Variants in PTPN13 observed in about 807,000 individuals in gnomAD.
PTPN13 encodes protein tyrosine phosphatase non-receptor type 13.
Under a neutral mutation model 284.0 loss-of-function variants are expected in PTPN13, and 191 were observed. The observed-to-expected ratio is 0.67, with a 90% CI of 0.60 to 0.76. The LOEUF (loss-of-function observed/expected upper bound fraction) is 0.76, where lower values mean the gene tolerates loss of function less well. Ranked by LOEUF, PTPN13 falls within the 30% of genes least tolerant of loss-of-function variation. The pLI is 0.00. For synonymous variants in PTPN13, 986 were observed against 1,022.3 expected, an observed-to-expected ratio of 0.96 and a Z score of 0.68; for missense variants, 2,797 against 2,939.9, an observed-to-expected ratio of 0.95 and a Z score of 1.12.
At chr4:86,812,309 CAAAAAAA>C (rs555017151) in intron 47 of PTPN13, among the ~76,000 whole-genome samples, 67 of 58,736 alleles carry the variant, frequency 1.1e-3, no homozygotes, top group African/African-American at 3.7e-3. Flanking sequence ...GACTCCGTCT[CAAAAAAA>C]AAAAAAAAAA....
intron 19 of PTPN13, among the ~76,000 whole-genome samples, chr4:86,752,611 G>A (rs17454662): frequency 0.14 from 22,006 of 151,982 alleles, 2,020 homozygotes; most frequent in East Asian, 0.27. Context: ...TTACATATCC[G>A]AAGGAAAATA....
intron 47 of PTPN13, among the ~76,000 whole-genome samples, chr4:86,812,505 G>A (rs946438687): frequency 6.6e-6 from 1 of 152,136 alleles, no homozygotes; most frequent in African/African-American, 2.4e-5. Context: ...AAAGAAAAAT[G>A]AAATAGGTAA....
chr4:86,691,123 A>T (rs1251788026), intron 5 of PTPN13, among the ~76,000 whole-genome samples: 1 of 151,954 alleles, frequency 6.6e-6, no homozygotes, highest in Non-Finnish European at 1.5e-5. Flanking sequence ...GCTACTCAGG[A>T]GGCTGAGATG....
At chr4:86,790,290 C>T (rs1479058725) in intron 40 of PTPN13, among the ~76,000 whole-genome samples, 2 of 152,060 alleles carry the variant, frequency 1.3e-5, no homozygotes, top group Non-Finnish European at 2.9e-5. Context: ...AATTATGGTA[C>T]TTTTTAACTC....
chr4:86,813,388 A>T (rs1245205702), intron 47 of PTPN13, among the ~76,000 whole-genome samples: 1 of 152,260 alleles, frequency 6.6e-6, no homozygotes, highest in Non-Finnish European at 1.5e-5. Context: ...TCATTTTCAA[A>T]GAACTTTGAT....
intron 5 of PTPN13, among the ~76,000 whole-genome samples, chr4:86,691,814 G>C (rs1223739012): frequency 6.6e-6 from 1 of 152,106 alleles, no homozygotes; most frequent in Non-Finnish European, 1.5e-5. Flanking sequence ...CTGACAGAAT[G>C]AGTTAGTCTT....
chr4:86,784,895 TAA>T (rs1234830211), intron 38 of PTPN13, among the ~76,000 whole-genome samples: 4 of 152,168 alleles, frequency 2.6e-5, no homozygotes, highest in African/African-American at 9.6e-5. Flanking sequence ...CATTGTAACA[TAA>T]CTTTGTTTCT....
Position 86,709,125 on chromosome 4 carries a change from ATGAT to A in PTPN13, c.1195+7333_1195+7336del, listed in dbSNP as rs562922808. Among the ~76,000 whole-genome samples the A allele has an allele frequency of 1.8e-4, 28 of 152,184 alleles. No individual in the cohort carries two copies. The South Asian group carries it at 5.8e-3, about 32-fold the overall frequency. On this transcript the variant is annotated intron_variant, in intron 7 of 47. Transcript: ENST00000411767. Reference sequence around the variant, plus strand: ...TGTGGATGGATGCGTGGATAGATAGATGATTGATTGATAGATCTACCTGCCTACT... The same window carrying A: ...TGTGGATGGATGCGTGGATAGATAGATGATTGATAGATCTACCTGCCTACT...
In PTPN13 at chr4:86,758,271, A is replaced by G. The variant is rs763779743; in HGVS notation, c.3235A>G (p.Lys1079Glu). 1.3e-5 allele frequency: 21 copies of G among 1,606,898 alleles called. No individual in the cohort carries two copies. The highest frequency in any genetic ancestry group is 1.7e-5 in the Non-Finnish European group (20 of 1,174,880). ...VPLKENDVLH[K>E]RWSIVSSPER... ...TAAATTCCCAATAGATGTGCTACAC[A>G]AAAGATGGAGCATAGTATCTTCACC... The change falls in exon 21 of 48, where the codon AAA becomes GAA. Residue 1079 changes from lysine to glutamate, a missense_variant. Lys to Glu is a moderately conservative substitution (Grantham distance 56, BLOSUM62 1). Transcript: ENST00000411767.
intron 42 of PTPN13, among the ~76,000 whole-genome samples, chr4:86,801,394 T>C (rs13110760): frequency 0.1 from 15,427 of 152,250 alleles, 919 homozygotes; most frequent in Non-Finnish European, 0.12. Flanking sequence ...AGTAACAGAA[T>C]TAAATTTGAT....
chr4:86,732,329 T>C, intron 10 of PTPN13, 71 bp from the exon 11 acceptor site: 1 of 1,228,704 alleles, frequency 8.1e-7, no homozygotes, highest in Non-Finnish European at 1.1e-6. Flanking sequence ...TATTCTTACA[T>C]TATTTTTCCT....
At chr4:86,796,173 A>G (rs932988296) in intron 40 of PTPN13, among the ~76,000 whole-genome samples, 1 of 152,200 alleles carries the variant, frequency 6.6e-6, no homozygotes, top group African/African-American at 2.4e-5. Context: ...GGGGCAATAT[A>G]TTATAATCTA....
At chr4:86,749,501 A>G (rs1401224761) in intron 17 of PTPN13, among the ~76,000 whole-genome samples, 2 of 152,222 alleles carry the variant, frequency 1.3e-5, no homozygotes, top group African/African-American at 4.8e-5. Context: ...CACTAACTGC[A>G]TGAAAAACTA....
intron 46 of PTPN13, 139 bp downstream of exon 46, chr4:86,810,123 T>C: frequency 3.1e-6 from 2 of 647,712 alleles, no homozygotes; most frequent in Non-Finnish European, 5.0e-6. Context: ...TATATTATTA[T>C]AGAAAATTGT....
chr4:86,715,281 T>C (rs1224669122), intron 7 of PTPN13, among the ~76,000 whole-genome samples: 1 of 152,090 alleles, frequency 6.6e-6, no homozygotes, highest in Non-Finnish European at 1.5e-5. Context: ...AAAAAATATA[T>C]GTGTGAGTAT....
At chr4:86,640,603 C>T (rs1723672704) in intron 2 of PTPN13, among the ~76,000 whole-genome samples, 1 of 152,124 alleles carries the variant, frequency 6.6e-6, no homozygotes, top group Non-Finnish European at 1.5e-5. Flanking sequence ...TACAGATGTT[C>T]AGAGGAGGGA....
At chr4:86,740,112 T>C (rs1460783285) in intron 15 of PTPN13, among the ~76,000 whole-genome samples, 1 of 152,156 alleles carries the variant, frequency 6.6e-6, no homozygotes, top group Non-Finnish European at 1.5e-5. Flanking sequence ...GTGCAAGCTG[T>C]CGTTGGATCT....
intron 2 of PTPN13, among the ~76,000 whole-genome samples, chr4:86,639,358 C>T (rs1723466187): frequency 6.6e-6 from 1 of 152,116 alleles, no homozygotes; most frequent in Non-Finnish European, 1.5e-5. Context: ...AATCATGCTG[C>T]TATAAAGACA....
At chr4:86,774,552 G>T in intron 33 of PTPN13, 21 bp downstream of exon 33, 2 of 1,569,966 alleles carry the variant, frequency 1.3e-6, no homozygotes, top group Non-Finnish European at 1.7e-6. Context: ...TAAGAGGAAT[G>T]GATTATTTGT....
Sources: allele counts gnomAD v4.1 joint callset (sites outside exome capture counted in the v4.1 genomes callset), GRCh38; gene constraint gnomAD v4.1.1; transcripts MANE v1.5; gene names NCBI Gene and HGNC (gene_info 2026-07-23, HGNC 2026-07-21).